The following NAA35 variants were observed in gnomAD, a reference collection of about 807,000 sequenced individuals.
NAA35 encodes N-alpha-acetyltransferase 35, NatC auxiliary subunit.
In NAA35, 18 loss-of-function variants were observed where a neutral mutation model predicts 101.7. The ratio of observed to expected loss-of-function variants is 0.18; its 90% CI spans 0.12 to 0.26. The LOEUF (loss-of-function observed/expected upper bound fraction) is 0.26. Among genes scored for constraint, NAA35 ranks in the 10% least tolerant of loss-of-function variants. The pLI, the probability that NAA35 is intolerant of heterozygous loss-of-function variation, is 1.00. For synonymous variants in NAA35, 267 were observed against 273.1 expected, an observed-to-expected ratio of 0.98 and a Z score of 0.22; for missense variants, 601 against 886.8, an observed-to-expected ratio of 0.68 and a Z score of 4.09.
chr9:85,977,537 T>G (rs1175742329), intron 10 of NAA35, 91 bp downstream of exon 10: 6 of 829,320 alleles, frequency 7.2e-6, no homozygotes. Flanking sequence ...TCCCTTGAAG[T>G]GCTCCTGATC....
chr9:85,973,934 A>T (rs1830106161), intron 6 of NAA35, among the ~76,000 whole-genome samples: 1 of 150,738 alleles, frequency 6.6e-6, no homozygotes, highest in Non-Finnish European at 1.5e-5. Context: ...TTTTGAAACT[A>T]TTGTTCTGTT....
At chr9:85,968,275 A>G (rs904671778) in intron 6 of NAA35, among the ~76,000 whole-genome samples, 4 of 152,180 alleles carry the variant, frequency 2.6e-5, no homozygotes, top group East Asian at 3.9e-4. Context: ...CAGTGGCGCT[A>G]TCTCGGCTCA....
intron 11 of NAA35, among the ~76,000 whole-genome samples, chr9:85,987,386 C>G (rs937800416): frequency 8.5e-5 from 13 of 152,298 alleles, no homozygotes; most frequent in African/African-American, 2.9e-4. Flanking sequence ...AAAGACAAAA[C>G]TATGCTATTA....
At chr9:85,950,542 G>A (rs950236965) in intron 2 of NAA35, among the ~76,000 whole-genome samples, 1 of 152,044 alleles carries the variant, frequency 6.6e-6, no homozygotes, top group Admixed American at 6.5e-5. Context: ...CTGCGCCCCT[G>A]ATTACTGAAG....
At chr9:85,993,900 C>T (rs1309813016) in intron 11 of NAA35, among the ~76,000 whole-genome samples, 3 of 152,144 alleles carry the variant, frequency 2.0e-5, no homozygotes, top group African/African-American at 7.2e-5. Context: ...CCTCATCGTC[C>T]TGTACTCAAG....
rs1385525173 is a variant in NAA35, at chr9:86,025,137, G to C, written c.*3177G>C. Among the ~76,000 whole-genome samples, 1 of 152,170 alleles carries C rather than the reference G, an allele frequency of 6.6e-6. No individual in the cohort carries two copies. The highest frequency in any genetic ancestry group is 1.5e-5 in the Non-Finnish European group (1 of 68,042). ...GTTTGGAAAAGTTCAGGAGAGGTGG[G>C]TGTTTTCCTTGTTCCTCTTTGGCTA... On this transcript the variant is annotated 3_prime_UTR_variant, in exon 23 of 23. Transcript: ENST00000361671.
intron 2 of NAA35, among the ~76,000 whole-genome samples, chr9:85,947,768 C>T (rs149551512): frequency 1.3e-5 from 2 of 152,276 alleles, no homozygotes; most frequent in East Asian, 3.9e-4. Context: ...GCTTAGTTCA[C>T]TGCATTTAGA....
rs772278186 is a variant in NAA35, at chr9:86,022,769, TC to T, written c.*814del. 1.3e-5 allele frequency among the ~76,000 whole-genome samples: 2 copies of T among 152,144 alleles called. No homozygotes were observed. The highest frequency in any genetic ancestry group is 6.5e-5 in the Admixed American group (1 of 15,274). ...CTCTGGCTTTGAAAAACTGACTACA[TC>T]CCCCTGTGCTTGCAAGTGCCTGCTG... On this transcript the variant is annotated 3_prime_UTR_variant, in exon 23 of 23. Transcript: ENST00000361671.
Position 86,013,199 on chromosome 9 carries a change from A to T in NAA35, c.1389+55A>T, listed in dbSNP as rs1832034567. The T allele has an allele frequency of 1.5e-5, 17 of 1,103,032 alleles. No homozygotes were observed. In the East Asian group the frequency reaches 4.1e-4, roughly 27 times the overall value. The allele number at this position is 1,103,032 out of a possible 1,614,324, so 68.3% of individuals were successfully genotyped here. On this transcript the variant is annotated intron_variant, in intron 16 of 22. Coordinates refer to ENST00000361671, the MANE Select transcript of NAA35 (RefSeq NM_024635.4). ...ATTAAATGATGCACACACTTTGTCC[A>T]GATTTTTAAAAACAATAATTCAGAA...
At chr9:85,984,308 G>A (rs963587093) in intron 11 of NAA35, among the ~76,000 whole-genome samples, 1 of 151,824 alleles carries the variant, frequency 6.6e-6, no homozygotes, top group African/African-American at 2.4e-5. Context: ...CAGCCTGGAC[G>A]ACAGTGAGAG....
At chr9:85,999,947 A>G (rs11789292) in intron 12 of NAA35, among the ~76,000 whole-genome samples, 52,833 of 152,106 alleles carry the variant, frequency 0.35, 11,552 homozygotes, top group Non-Finnish European at 0.5. Context: ...ATATAAACCC[A>G]TATCTTTTCA....
chr9:86,022,675 G>A lies in NAA35; in HGVS notation c.*715G>A, dbSNP rs775208875. Among the ~76,000 whole-genome samples, 7 of 152,320 alleles carry A rather than the reference G, an allele frequency of 4.6e-5. No individual in the cohort carries two copies. Among genetic ancestry groups the A allele is most frequent in the East Asian group, 1.9e-4 (1 of 5,192 alleles). ...ATTTAGGACTAGGTTTAAATGTGGT[G>A]TACTTTTTGTTTACTTCATATTCAG... is the stretch of plus-strand genomic sequence containing the variant. On this transcript the variant is annotated 3_prime_UTR_variant, in exon 23 of 23. Transcript: ENST00000361671.
intron 13 of NAA35, among the ~76,000 whole-genome samples, chr9:86,006,125 G>A (rs942754671): frequency 4.6e-5 from 7 of 151,430 alleles, no homozygotes; most frequent in Middle Eastern, 3.4e-3. Context: ...AGCCAAGATC[G>A]CACCACTGCA....
intron 6 of NAA35, among the ~76,000 whole-genome samples, chr9:85,962,490 C>CAAA (rs781302881): frequency 0.062 from 5,367 of 85,918 alleles, 847 homozygotes; most frequent in African/African-American, 0.24. Flanking sequence ...GACTCTGTCT[C>CAAA]AAAAAAAAAA....
At chr9:85,961,642 G>A (rs1481934526) in intron 5 of NAA35, among the ~76,000 whole-genome samples, 3 of 152,196 alleles carry the variant, frequency 2.0e-5, no homozygotes, top group Non-Finnish European at 4.4e-5. Flanking sequence ...CTGGGTTGTG[G>A]TGGTAAGGAT....
chr9:85,946,931 G>A (rs911527961), intron 2 of NAA35, among the ~76,000 whole-genome samples: 1 of 151,984 alleles, frequency 6.6e-6, no homozygotes, highest in African/African-American at 2.4e-5. Context: ...GTAAAACTTG[G>A]GATTCTTAAG....
intron 16 of NAA35, 131 bp from the exon 17 acceptor site, chr9:86,013,588 A>G: frequency 1.2e-6 from 1 of 808,140 alleles, no homozygotes; most frequent in Non-Finnish European, 1.9e-6. Context: ...AAATGCATTT[A>G]AAAATGTTTC....
intron 11 of NAA35, among the ~76,000 whole-genome samples, chr9:85,990,567 CAAAG>C (rs1483727425): frequency 1.2e-4 from 19 of 152,168 alleles, no homozygotes; most frequent in Non-Finnish European, 5.9e-5. Context: ...GAAAATACAG[CAAAG>C]AATGAATGAT....
chr9:85,990,038 TAA>T (rs1471806777), intron 11 of NAA35, among the ~76,000 whole-genome samples: 5 of 152,234 alleles, frequency 3.3e-5, no homozygotes, highest in African/African-American at 1.2e-4. Context: ...TGATTTATTT[TAA>T]AAGAGGTTTA....
Sources: gnomAD v4.1 joint callset for allele counts (sites outside exome capture counted in the v4.1 genomes callset) on GRCh38, gnomAD v4.1.1 for gene constraint, MANE v1.5 for transcripts, NCBI Gene and HGNC (gene_info 2026-07-23, HGNC 2026-07-21) for gene names.